Variants in MAN2B2 observed in about 807,000 individuals in gnomAD.
MAN2B2 encodes epididymis-specific alpha-mannosidase.
A neutral mutation model predicts 117.1 loss-of-function variants in MAN2B2; 106 were observed. The observed-to-expected ratio is 0.90, with a 90% confidence interval of 0.77 to 1.06. MAN2B2 has a LOEUF of 1.06. Among genes scored for constraint, MAN2B2 ranks in the 50% least tolerant of loss-of-function variants. The pLI, the probability that MAN2B2 is intolerant of heterozygous loss-of-function variation, is 0.00. For missense variants in MAN2B2, 1,326 were observed against 1,381.4 expected (o/e 0.96, Z 0.64); for synonymous variants, 544 against 595.1 (o/e 0.91, Z 1.25).
intron 15 of MAN2B2, among the ~76,000 whole-genome samples, chr4:6,612,852 T>C (rs1711636733): frequency 1.3e-5 from 2 of 152,190 alleles, no homozygotes; most frequent in Non-Finnish European, 2.9e-5. Flanking sequence ...GGAGAGTGTA[T>C]GGTGAGGCCC....
intron 3 of MAN2B2, among the ~76,000 whole-genome samples, chr4:6,585,672 A>T (rs181538683): frequency 7.9e-5 from 12 of 152,342 alleles, no homozygotes; most frequent in African/African-American, 2.9e-4. Flanking sequence ...CTCAGGAGTG[A>T]CTTAGCCAGG....
rs1726082719 is a variant in MAN2B2 at position 6,576,825 on chromosome 4, G to A, written c.285+101G>A. On this transcript the variant is annotated intron_variant, in intron 2 of 18. Coordinates refer to ENST00000285599, the MANE Select transcript of MAN2B2 (RefSeq NM_015274.3). ...TCTAGCCAGGGCCAGGGCCAGGCTG[G>A]CATAAACCACAGGGCCAAAACCCCA... 6 of 1,451,768 alleles carry A rather than the reference G, an allele frequency of 4.1e-6. No individual in the cohort carries two copies. The South Asian group carries it at 6.1e-5, about 15-fold the overall frequency. The allele number at this position is 1,451,768 out of a possible 1,614,324, so 89.9% of individuals were successfully genotyped here. A position where few individuals can be genotyped will look rare whatever the true frequency, so the allele number is the denominator to read the frequency against.
At chr4:6,585,960 G>T (rs931180639) in intron 3 of MAN2B2, among the ~76,000 whole-genome samples, 9 of 152,168 alleles carry the variant, frequency 5.9e-5, no homozygotes, top group Non-Finnish European at 8.8e-5. Context: ...CACTGTGTTT[G>T]TTAGAAGTGA....
intron 11 of MAN2B2, among the ~76,000 whole-genome samples, chr4:6,608,765 G>A (rs1727641945): frequency 6.6e-6 from 1 of 152,202 alleles, no homozygotes; most frequent in African/African-American, 2.4e-5. Context: ...ACAGCTCAGA[G>A]TCAGCATGAC....
intron 7 of MAN2B2, among the ~76,000 whole-genome samples, chr4:6,596,862 G>A (rs1471478508): frequency 6.6e-6 from 1 of 152,084 alleles, no homozygotes; most frequent in Admixed American, 6.5e-5. Context: ...ACCTGCCCCA[G>A]TGCAGCCTGT....
chr4:6,602,382 A>G (rs1160280786), intron 10 of MAN2B2, among the ~76,000 whole-genome samples: 1 of 152,166 alleles, frequency 6.6e-6, no homozygotes, highest in Non-Finnish European at 1.5e-5. Context: ...CCTGCTTGCC[A>G]TCTTCCTGTG....
intron 2 of MAN2B2, 50 bp downstream of exon 2, chr4:6,576,774 C>T: frequency 6.2e-7 from 1 of 1,603,182 alleles, no homozygotes; most frequent in Non-Finnish European, 8.5e-7. Context: ...TGGCAAAGAC[C>T]CAGGTGGAAA....
intron 5 of MAN2B2, among the ~76,000 whole-genome samples, chr4:6,591,978 C>G (rs916079682): frequency 6.6e-6 from 1 of 152,178 alleles, no homozygotes; most frequent in Non-Finnish European, 1.5e-5. Flanking sequence ...GGCACAGCAG[C>G]CCGCCCCAGG....
At position 6,598,318 on chromosome 4, in the gene MAN2B2, G is replaced by A. The variant is rs763578900; in HGVS notation, c.1369G>A (p.Glu457Lys). 1 of 1,613,422 alleles carries A rather than the reference G, an allele frequency of 6.2e-7. No homozygotes were observed. The highest frequency in any genetic ancestry group is 2.2e-5 in the East Asian group (1 of 44,876). ...GCTGATGGCCTCCATCGTCCTAGAT[G>A]AGCTCCAGCCCCAGGCACCCATGGC... The part of the protein sequence containing the change: ...RKLMASIVLD[E>K]LQPQAPMAAS... Residue 457 changes from glutamate to lysine, a missense_variant, in exon 9 of 19, where the codon GAG becomes AAG. Physicochemically the swap from Glu to Lys is moderately conservative, Grantham distance 56. Transcript: ENST00000285599.
At chr4:6,588,960 G>A (rs1028787926) in intron 4 of MAN2B2, 85 bp from the exon 5 acceptor site, 35 of 956,038 alleles carry the variant, frequency 3.7e-5, no homozygotes, top group African/African-American at 1.3e-4. Flanking sequence ...GAGGGCAGGC[G>A]GGAGACACCC....
chr4:6,596,146 T>A (rs1221717784), intron 7 of MAN2B2, among the ~76,000 whole-genome samples: 2 of 147,836 alleles, frequency 1.4e-5, no homozygotes, highest in African/African-American at 5.0e-5. Context: ...GGGCGTGGTA[T>A]CCAGGTGGGC....
At chr4:6,591,822 A>T (rs902892215) in intron 5 of MAN2B2, among the ~76,000 whole-genome samples, 1 of 152,168 alleles carries the variant, frequency 6.6e-6, no homozygotes, top group African/African-American at 2.4e-5. Context: ...GTGAACCCAC[A>T]TTCACATTCC....
chr4:6,579,952 C>T (rs74951671), intron 3 of MAN2B2, among the ~76,000 whole-genome samples: 7,087 of 152,330 alleles, frequency 0.047, 245 homozygotes, highest in South Asian at 0.11. Context: ...TGCAGTAACT[C>T]TCTCCAGGGT....
At chr4:6,579,081 C>CCACCAT (rs1560634287) in intron 3 of MAN2B2, among the ~76,000 whole-genome samples, 4 of 71,624 alleles carry the variant, frequency 5.6e-5, no homozygotes, top group South Asian at 5.0e-4. Flanking sequence ...ACCACCACCA[C>CCACCAT]CACCATCACC....
At chr4:6,583,761 C>G (rs561825369) in intron 3 of MAN2B2, among the ~76,000 whole-genome samples, 1 of 152,196 alleles carries the variant, frequency 6.6e-6, no homozygotes. Context: ...CAAGTGGGCA[C>G]GTGAAGGTCA....
intron 3 of MAN2B2, among the ~76,000 whole-genome samples, chr4:6,579,379 CCACTACCCTT>C (rs1726323247): frequency 2.0e-4 from 10 of 50,884 alleles, no homozygotes; most frequent in South Asian, 9.8e-4. Flanking sequence ...ACCACCACCA[CCACTACCCTT>C]CACCATCACC....
intron 10 of MAN2B2, among the ~76,000 whole-genome samples, chr4:6,601,034 C>T (rs1577286509): frequency 6.6e-6 from 1 of 152,152 alleles, no homozygotes; most frequent in Non-Finnish European, 1.5e-5. Flanking sequence ...CAAAATCTCA[C>T]AAGACCCCTA....
intron 16 of MAN2B2, among the ~76,000 whole-genome samples, chr4:6,616,618 C>T (rs1267082348): frequency 6.6e-6 from 1 of 152,180 alleles, no homozygotes; most frequent in Non-Finnish European, 1.5e-5. Context: ...CACTTCAGCT[C>T]ACTTTGCATT....
intron 8 of MAN2B2, 147 bp downstream of exon 8, chr4:6,597,450 G>T (rs190783342): frequency 2.2e-6 from 2 of 897,996 alleles, no homozygotes; most frequent in African/African-American, 1.7e-5. Flanking sequence ...TGGTTACAAG[G>T]CCAGTGCATG....
Sources: allele counts gnomAD v4.1 joint callset (sites outside exome capture counted in the v4.1 genomes callset), GRCh38; gene constraint gnomAD v4.1.1; transcripts MANE v1.5; gene names NCBI Gene and HGNC (gene_info 2026-07-23, HGNC 2026-07-21).